Variants in ATG16L1 observed in about 807,000 individuals in gnomAD.
ATG16L1 encodes the protein autophagy-related protein 16-1.
ATG16L1 carries 37 observed loss-of-function variants against 88.5 expected under a neutral mutation model. The ratio of observed to expected loss-of-function variants is 0.42; its 90% CI spans 0.32 to 0.55. The LOEUF (loss-of-function observed/expected upper bound fraction) is 0.55, where lower values mean the gene tolerates loss of function less well. Ranked by LOEUF, ATG16L1 falls within the 20% of genes least tolerant of loss-of-function variation. The pLI, the probability that ATG16L1 is intolerant of heterozygous loss-of-function variation, is 0.13. For synonymous variants in ATG16L1, 301 were observed against 281.0 expected (o/e 1.07, Z -0.71); for missense variants, 554 against 752.8 (o/e 0.74, Z 3.09).
At chr2:233,290,486 A>G in intron 14 of ATG16L1, 133 bp downstream of exon 14, 1 of 710,842 alleles carries the variant, frequency 1.4e-6, no homozygotes, top group Non-Finnish European at 2.5e-6. Flanking sequence ...TTAGCTTATT[A>G]ACACTTGGCT....
chr2:233,257,147 A>G (rs1324278229), intron 2 of ATG16L1, among the ~76,000 whole-genome samples: 2 of 152,116 alleles, frequency 1.3e-5, no homozygotes, highest in Non-Finnish European at 2.9e-5. Flanking sequence ...CTCCTGCCTC[A>G]GCCTCCCGAG....
chr2:233,253,149 C>T (rs1472709444), intron 1 of ATG16L1, among the ~76,000 whole-genome samples: 1 of 152,076 alleles, frequency 6.6e-6, no homozygotes, highest in African/African-American at 2.4e-5. Context: ...TTTGATGCTT[C>T]CCAAATGACT....
intron 12 of ATG16L1, among the ~76,000 whole-genome samples, chr2:233,288,210 CT>C (rs1337464220): frequency 6.6e-6 from 1 of 152,134 alleles, no homozygotes; most frequent in Non-Finnish European, 1.5e-5. Flanking sequence ...GAAGTTTTCG[CT>C]TCTGTGCTAA....
intron 5 of ATG16L1, among the ~76,000 whole-genome samples, chr2:233,268,671 CAAAG>C (rs1239281756): frequency 6.6e-6 from 1 of 152,134 alleles, no homozygotes; most frequent in Non-Finnish European, 1.5e-5. Flanking sequence ...GGTTTTTCCT[CAAAG>C]AGAGTTAGTT....
intron 5 of ATG16L1, among the ~76,000 whole-genome samples, chr2:233,269,260 G>A (rs1697815375): frequency 1.3e-5 from 2 of 152,270 alleles, no homozygotes; most frequent in East Asian, 1.9e-4. Context: ...TACCTCAAAA[G>A]GTTGTTATAA....
At chr2:233,272,437 C>T (rs943471899) in intron 6 of ATG16L1, among the ~76,000 whole-genome samples, 2 of 152,196 alleles carry the variant, frequency 1.3e-5, no homozygotes, top group Admixed American at 6.5e-5. Context: ...ATATTTGAAA[C>T]TGGGTTAAGT....
intron 4 of ATG16L1, among the ~76,000 whole-genome samples, chr2:233,264,467 G>C (rs1472543416): frequency 6.6e-6 from 1 of 152,182 alleles, no homozygotes; most frequent in African/African-American, 2.4e-5. Context: ...AAGCCTGGCA[G>C]ACAAGATAAA....
At chr2:233,290,087 C>T in intron 13 of ATG16L1, 113 bp downstream of exon 13, 1 of 1,555,300 alleles carries the variant, frequency 6.4e-7, no homozygotes, top group Non-Finnish European at 8.8e-7. Context: ...TCAGATCTGG[C>T]TTCATGTTTA....
chr2:233,283,811 A>G (rs959165567), intron 12 of ATG16L1, among the ~76,000 whole-genome samples: 3 of 152,048 alleles, frequency 2.0e-5, no homozygotes, highest in African/African-American at 7.3e-5. Context: ...TGCTGGGATT[A>G]CAGGCGTGAG....
At chr2:233,256,062 G>A in intron 1 of ATG16L1, 40 bp from the exon 2 acceptor site, 1 of 1,534,880 alleles carries the variant, frequency 6.5e-7, no homozygotes. Flanking sequence ...TACATACGTT[G>A]TAATAAATAA....
chr2:233,267,719 A>G (rs1317676176), intron 5 of ATG16L1, among the ~76,000 whole-genome samples: 1 of 152,200 alleles, frequency 6.6e-6, no homozygotes, highest in Non-Finnish European at 1.5e-5. Flanking sequence ...GGATGCTGCT[A>G]GGTTGCATGT....
rs139993009 is a variant in ATG16L1, at chr2:233,277,382, C to T, written c.955-186C>T. The stretch of plus-strand genomic sequence containing the variant: ...GCACTGCACTCTAATGCAACTGTAA[C>T]TAGAAGAATAAAATGATAATAGAAT... On this transcript the variant is annotated intron_variant, in intron 9 of 17. Transcript: ENST00000392017. 6.6e-4 allele frequency: 353 copies of T among 537,330 alleles called. 1 individual carries two copies. The highest frequency in any genetic ancestry group is 5.7e-3 in the African/African-American group (297 of 52,456). The allele number at this position is 537,330 out of a possible 1,614,324, so 33.3% of individuals were successfully genotyped here.
At position 233,294,553 on chromosome 2, in the gene ATG16L1, GA is replaced by G. The variant is rs547387955; in HGVS notation, c.*209del. On this transcript the variant is annotated 3_prime_UTR_variant, in exon 18 of 18. Transcript: ENST00000392017. ...TCTCTTGGCCTGGAAGAATAACACT[GA>G]AAAAACCTGACGCTGCGGTCACTTA... is the stretch of plus-strand genomic sequence containing the variant. 1 of 443,170 alleles carries G rather than the reference GA, an allele frequency of 2.3e-6. No homozygotes were observed. Among genetic ancestry groups the G allele is most frequent in the Non-Finnish European group, 4.0e-6 (1 of 247,194 alleles). 27.5% of individuals were successfully genotyped at this position (443,170 alleles called of 1,614,324 possible).
chr2:233,262,307 G>T (rs1697267465), intron 2 of ATG16L1, among the ~76,000 whole-genome samples: 1 of 152,174 alleles, frequency 6.6e-6, no homozygotes, highest in Non-Finnish European at 1.5e-5. Flanking sequence ...CTGCTGGCTG[G>T]TCTTCCTGTT....
At chr2:233,255,895 A>G (rs1696743341) in intron 1 of ATG16L1, among the ~76,000 whole-genome samples, 1 of 152,160 alleles carries the variant, frequency 6.6e-6, no homozygotes, top group African/African-American at 2.4e-5. Context: ...TTTCCTCCCA[A>G]GGTAGAAACA....
At chr2:233,264,122 C>T in intron 4 of ATG16L1, 57 bp downstream of exon 4, 2 of 1,581,446 alleles carry the variant, frequency 1.3e-6, no homozygotes, top group East Asian at 2.2e-5. Flanking sequence ...GTCCTTTGTT[C>T]TGCTGACCTC....
chr2:233,284,387 A>G (rs561535344), intron 12 of ATG16L1, among the ~76,000 whole-genome samples: 12 of 152,274 alleles, frequency 7.9e-5, no homozygotes, highest in Non-Finnish European at 1.6e-4. Context: ...GCTAGAGTGC[A>G]GTGGCATGAT....
At chr2:233,271,631 C>CATA (rs768037194) in intron 6 of ATG16L1, among the ~76,000 whole-genome samples, 2 of 152,214 alleles carry the variant, frequency 1.3e-5, no homozygotes, top group African/African-American at 2.4e-5. Flanking sequence ...GGTCAGAGGA[C>CATA]ATACATCTTT....
chr2:233,286,573 G>A (rs2125285130), intron 12 of ATG16L1, among the ~76,000 whole-genome samples: 1 of 150,276 alleles, frequency 6.7e-6, no homozygotes, highest in East Asian at 2.0e-4. Flanking sequence ...TCAGCCTCAG[G>A]CAGCTCCAGC....
Sources: allele counts gnomAD v4.1 joint callset (sites outside exome capture counted in the v4.1 genomes callset), GRCh38; gene constraint gnomAD v4.1.1; transcripts MANE v1.5; gene names NCBI Gene and HGNC (gene_info 2026-07-23, HGNC 2026-07-21).